The following KCTD16 variants were observed in gnomAD, a reference collection of about 807,000 sequenced individuals.
KCTD16 encodes the protein BTB/POZ domain-containing protein KCTD16.
A neutral mutation model predicts 33.2 loss-of-function variants in KCTD16; 13 were observed. That is an observed-to-expected ratio of 0.39 (90% CI 0.25 to 0.62). The LOEUF (loss-of-function observed/expected upper bound fraction) is 0.62. Ranked by LOEUF, KCTD16 falls within the 20% of genes least tolerant of loss-of-function variation. The pLI, the probability that KCTD16 is intolerant of heterozygous loss-of-function variation, is 0.50. For synonymous variants in KCTD16, 197 were observed against 195.3 expected (o/e 1.01, Z -0.07); for missense variants, 441 against 525.1 (o/e 0.84, Z 1.57).
chr5:144,385,019 T>G (rs933695846), intron 3 of KCTD16, among the ~76,000 whole-genome samples: 3 of 152,192 alleles, frequency 2.0e-5, no homozygotes, highest in African/African-American at 7.2e-5. Context: ...TTCAAATAAG[T>G]GGGACATTAT....
chr5:144,410,772 T>A (rs1752915552), intron 3 of KCTD16, among the ~76,000 whole-genome samples: 1 of 152,168 alleles, frequency 6.6e-6, no homozygotes, highest in Non-Finnish European at 1.5e-5. Flanking sequence ...GCCTGAAGGT[T>A]TGATTATGTC....
At chr5:144,414,107 G>C (rs963779449) in intron 3 of KCTD16, among the ~76,000 whole-genome samples, 1 of 152,098 alleles carries the variant, frequency 6.6e-6, no homozygotes, top group African/African-American at 2.4e-5. Flanking sequence ...AATCTATCTA[G>C]CCACAAGTTA....
intron 3 of KCTD16, among the ~76,000 whole-genome samples, chr5:144,398,733 T>TCTCTCTCTCTCTCTCTCTC (rs1752635840): frequency 6.9e-6 from 1 of 145,284 alleles, no homozygotes; most frequent in African/African-American, 2.8e-5. Flanking sequence ...CTCTCTCTCT[T>TCTCTCTCTCTCTCTCTCTC]ATATAAATGT....
intron 3 of KCTD16, among the ~76,000 whole-genome samples, chr5:144,438,068 A>G (rs1436590356): frequency 6.6e-6 from 1 of 152,234 alleles, no homozygotes; most frequent in Non-Finnish European, 1.5e-5. Flanking sequence ...AAATGATTTT[A>G]TGTATATTAA....
intron 3 of KCTD16, among the ~76,000 whole-genome samples, chr5:144,388,764 C>G (rs1021085305): frequency 7.2e-5 from 11 of 152,176 alleles, no homozygotes; most frequent in African/African-American, 2.4e-4. Context: ...AATATATATT[C>G]TATATCCATT....
chr5:144,187,467 CA>C (rs1752752661), intron 2 of KCTD16, among the ~76,000 whole-genome samples: 3 of 152,010 alleles, frequency 2.0e-5, no homozygotes, highest in East Asian at 1.9e-4. Context: ...CACATACACA[CA>C]GGGGGCAAGA....
At chr5:144,450,596 C>T (rs930515817) in intron 3 of KCTD16, among the ~76,000 whole-genome samples, 2 of 152,010 alleles carry the variant, frequency 1.3e-5, no homozygotes, top group African/African-American at 4.8e-5. Context: ...CATATACATA[C>T]AATGAAACAA....
At chr5:144,371,437 C>T (rs1177275087) in intron 3 of KCTD16, among the ~76,000 whole-genome samples, 4 of 152,046 alleles carry the variant, frequency 2.6e-5, no homozygotes, top group South Asian at 2.1e-4. Context: ...ATTAACTTAC[C>T]GTGAAACTTT....
intron 3 of KCTD16, among the ~76,000 whole-genome samples, chr5:144,401,803 G>T (rs1752709982): frequency 6.6e-6 from 1 of 152,200 alleles, no homozygotes; most frequent in Non-Finnish European, 1.5e-5. Flanking sequence ...TTGCTTCTCA[G>T]ATTTTAAATC....
Position 144,468,901 on chromosome 5 carries a change from G to A in KCTD16, c.833-4759G>A, listed in dbSNP as rs541789618. Among the ~76,000 whole-genome samples, 51 of 152,126 alleles carry A rather than the reference G, an allele frequency of 3.4e-4. 1 individual carries two copies. The highest frequency in any genetic ancestry group is 9.2e-4 in the Admixed American group (14 of 15,266). ...TGCTAAGTCATGTTTCACTCAGCTCGGTTTGAATTTTTCATAGAGGAGAAA... is the reference window on the plus strand; with the variant it reads ...TGCTAAGTCATGTTTCACTCAGCTCAGTTTGAATTTTTCATAGAGGAGAAA... On this transcript the variant is annotated intron_variant, in intron 3 of 3. Coordinates refer to ENST00000512467, the MANE Select transcript of KCTD16 (RefSeq NM_020768.4).
At position 144,476,471 on chromosome 5, in the gene KCTD16, A is replaced by C. The variant is rs1754597011; in HGVS notation, c.*2357A>C. 4 of 152,230 alleles carry C rather than the reference A, an allele frequency of 2.6e-5. No individual in the cohort carries two copies. The highest frequency in any genetic ancestry group is 2.6e-4 in the Admixed American group (4 of 15,278). 9.4% of individuals were successfully genotyped at this position (152,230 alleles called of 1,614,324 possible). A position where few individuals can be genotyped will look rare whatever the true frequency, so the allele number is the denominator to read the frequency against. The stretch of plus-strand genomic sequence containing the variant: ...GTGTTCCTCTGACCCCTGACCTGTC[A>C]TGAGTTTTCTCTGCTCTGACATTCC... On this transcript the variant is annotated 3_prime_UTR_variant, in exon 4 of 4. Transcript: ENST00000512467.
At chr5:144,199,956 G>A (rs542016853) in intron 2 of KCTD16, among the ~76,000 whole-genome samples, 7 of 151,818 alleles carry the variant, frequency 4.6e-5, no homozygotes, top group Middle Eastern at 3.4e-3. Context: ...CTCATGATCC[G>A]CCCGCTTCTG....
At chr5:144,408,378 G>A (rs190048966) in intron 3 of KCTD16, among the ~76,000 whole-genome samples, 1 of 152,334 alleles carries the variant, frequency 6.6e-6, no homozygotes, top group East Asian at 1.9e-4. Flanking sequence ...TAGCTCCACA[G>A]TTACGGTTTA....
chr5:144,456,622 C>G (rs1296424243), intron 3 of KCTD16, among the ~76,000 whole-genome samples: 1 of 152,152 alleles, frequency 6.6e-6, no homozygotes, highest in African/African-American at 2.4e-5. Flanking sequence ...GTTTATTATT[C>G]ATTTTGTTAA....
chr5:144,326,929 A>G (rs1215206495), intron 3 of KCTD16, among the ~76,000 whole-genome samples: 3 of 152,160 alleles, frequency 2.0e-5, no homozygotes, highest in Admixed American at 6.6e-5. Context: ...ACATATTTGA[A>G]GTAATTAGAG....
At chr5:144,276,243 T>C (rs1755434569) in intron 3 of KCTD16, among the ~76,000 whole-genome samples, 1 of 152,194 alleles carries the variant, frequency 6.6e-6, no homozygotes, top group African/African-American at 2.4e-5. Flanking sequence ...GTAAAAAGAA[T>C]GACATCATTC....
intron 3 of KCTD16, among the ~76,000 whole-genome samples, chr5:144,473,372 G>A (rs1198405387): frequency 1.3e-5 from 2 of 152,140 alleles, no homozygotes; most frequent in Middle Eastern, 6.3e-3. Flanking sequence ...AAGGTGACAA[G>A]CTTAATAAAT....
chr5:144,214,703 C>A (rs1043072181), intron 3 of KCTD16, among the ~76,000 whole-genome samples: 1 of 152,184 alleles, frequency 6.6e-6, no homozygotes, highest in African/African-American at 2.4e-5. Flanking sequence ...CCAGAAGTTA[C>A]TTCTTCTGGG....
At chr5:144,285,303 T>C (rs962958739) in intron 3 of KCTD16, among the ~76,000 whole-genome samples, 2 of 152,230 alleles carry the variant, frequency 1.3e-5, no homozygotes, top group East Asian at 3.8e-4. Context: ...CACAAATGCT[T>C]GAACATTTTA....
Sources: allele counts gnomAD v4.1 joint callset (sites outside exome capture counted in the v4.1 genomes callset), GRCh38; gene constraint gnomAD v4.1.1; transcripts MANE v1.5; gene names NCBI Gene and HGNC (gene_info 2026-07-23, HGNC 2026-07-21).